The following BRF1 variants were observed in gnomAD, a reference collection of about 807,000 sequenced individuals.
The protein encoded by BRF1 is transcription factor IIIB 90 kDa subunit.
BRF1 carries 59 observed loss-of-function variants against 81.7 expected under a neutral mutation model. The ratio of observed to expected loss-of-function variants is 0.72; its 90% CI spans 0.59 to 0.90. BRF1 has a LOEUF of 0.90. BRF1 is among the 40% of genes least tolerant of loss of function. The pLI is 0.00. For missense variants in BRF1, 1,050 were observed against 936.3 expected (o/e 1.12, Z -1.58); for synonymous variants, 491 against 395.6 (o/e 1.24, Z -2.86).
intron 15 of BRF1, among the ~76,000 whole-genome samples, chr14:105,213,847 G>A (rs146947266): frequency 1.2e-3 from 177 of 152,334 alleles, no homozygotes; most frequent in Non-Finnish European, 2.1e-3. Flanking sequence ...AGGGCTCCTG[G>A]GGTCTGCGGG....
intron 1 of BRF1, among the ~76,000 whole-genome samples, chr14:105,293,701 A>G (rs1052310439): frequency 3.9e-5 from 6 of 152,034 alleles, no homozygotes; most frequent in Admixed American, 1.3e-4. Flanking sequence ...CTCAGTCCTC[A>G]CCCACCCTTC....
intron 1 of BRF1, among the ~76,000 whole-genome samples, chr14:105,287,350 T>G (rs1263748523): frequency 1.3e-5 from 2 of 152,190 alleles, no homozygotes; most frequent in African/African-American, 4.8e-5. Flanking sequence ...CGGCCTGATC[T>G]TCCAACGAGA....
chr14:105,225,690 C>G (rs1892976151), intron 10 of BRF1, among the ~76,000 whole-genome samples: 1 of 152,130 alleles, frequency 6.6e-6, no homozygotes, highest in African/African-American at 2.4e-5. Context: ...CTCTGTCACC[C>G]AGGCTGGAGT....
intron 5 of BRF1, among the ~76,000 whole-genome samples, chr14:105,246,292 G>C (rs867829933): frequency 6.6e-6 from 1 of 152,030 alleles, no homozygotes; most frequent in East Asian, 1.9e-4. Flanking sequence ...AAGCACATGA[G>C]TAGATGGTCA....
chr14:105,244,739 T>C (rs1002662517), intron 5 of BRF1, among the ~76,000 whole-genome samples: 4 of 151,594 alleles, frequency 2.6e-5, no homozygotes, highest in Admixed American at 2.6e-4. Context: ...ACAGACTGAT[T>C]AGGAAAAAAA....
At chr14:105,226,806 C>G in intron 7 of BRF1, 46 bp from the exon 8 acceptor site, 3 of 1,611,818 alleles carry the variant, frequency 1.9e-6, no homozygotes, top group Non-Finnish European at 2.5e-6. Flanking sequence ...GGCTCTGAAA[C>G]CAGCTGTTTA....
chr14:105,271,512 G>A lies in BRF1; in HGVS notation c.439+1209C>T, dbSNP rs1470206611. The stretch of plus-strand genomic sequence containing the variant: ...GGAGGGGGACCACCTTCAGAGGGGC[G>A]CAGCTCGGAAAAGGTCCCTCTCCCA... On this transcript the variant is annotated intron_variant, in intron 3 of 17. Coordinates refer to ENST00000547530, the MANE Select transcript of BRF1 (RefSeq NM_001519.4). This position sits in a 1 kb window ranked among gnomAD's most constrained non-coding sequence, Gnocchi z 5.5. Among the ~76,000 whole-genome samples, 1 of 152,186 alleles carries A rather than the reference G, an allele frequency of 6.6e-6. No individual in the cohort carries two copies. The highest frequency in any genetic ancestry group is 1.9e-4 in the East Asian group (1 of 5,196).
intron 16 of BRF1, chr14:105,211,859 T>C: frequency 1.8e-6 from 1 of 559,112 alleles, no homozygotes; most frequent in Non-Finnish European, 3.2e-6. Flanking sequence ...ACAGCAAGGC[T>C]GCTCAGCCTT....
chr14:105,226,432 T>G, intron 8 of BRF1, 142 bp from the exon 9 acceptor site: 1 of 1,440,760 alleles, frequency 6.9e-7, no homozygotes, highest in Non-Finnish European at 9.6e-7. Flanking sequence ...TATGGGCCTG[T>G]GTCCCCCATG....
At chr14:105,212,079 G>T in intron 16 of BRF1, 34 bp downstream of exon 16, 1 of 1,609,034 alleles carries the variant, frequency 6.2e-7, no homozygotes, top group East Asian at 2.2e-5. Context: ...TGCCTCCCAA[G>T]GTCTCCCTGC....
At chr14:105,268,419 C>T (rs762887282) in intron 3 of BRF1, among the ~76,000 whole-genome samples, 4 of 152,258 alleles carry the variant, frequency 2.6e-5, no homozygotes, top group Admixed American at 6.5e-5. Context: ...GACTCAGCAG[C>T]ACCCCGTTCC....
chr14:105,241,380 C>G lies in BRF1; in HGVS notation c.579G>C (p.Leu193=), dbSNP rs200243127. ...CGTGGTTCTTCTCCCCGAATTCCAGCAGGTGCGCAAAGCGTGGAATATACA... is the reference window on the plus strand; with the variant it reads ...CGTGGTTCTTCTCCCCGAATTCCAGGAGGTGCGCAAAGCGTGGAATATACA... ...PCLYIPRFAH[L]LEFGEKNHEV... is the part of the protein sequence containing the mutation. Residue 193 remains leucine, a synonymous_variant, in exon 6 of 18, where the codon CTG becomes CTC. Coordinates refer to ENST00000547530, the MANE Select transcript of BRF1 (RefSeq NM_001519.4). The G allele has an allele frequency of 6.2e-7, 1 of 1,612,742 alleles. No homozygotes were observed. Among genetic ancestry groups the G allele is most frequent in the Non-Finnish European group, 8.5e-7 (1 of 1,179,926 alleles).
At chr14:105,302,176 G>A (rs1036187523), upstream of BRF1, among the ~76,000 whole-genome samples, 2 of 150,886 alleles carry the variant, frequency 1.3e-5, no homozygotes, top group African/African-American at 4.8e-5. Flanking sequence ...AAGGAAATGC[G>A]GAAGACCCCA....
At chr14:105,311,111 C>G (rs2058340690) in intron 1 of BRF1, among the ~76,000 whole-genome samples, 1 of 152,078 alleles carries the variant, frequency 6.6e-6, no homozygotes, top group Non-Finnish European at 1.5e-5. Context: ...CACCATCATG[C>G]CCCACTAATT....
upstream of BRF1, among the ~76,000 whole-genome samples, chr14:105,305,478 C>T (rs1306683649): frequency 6.6e-6 from 1 of 152,126 alleles, no homozygotes. Context: ...TGTGAGGATG[C>T]AGGAAGAGGG....
intron 10 of BRF1, chr14:105,222,579 C>G (rs1180587825): frequency 6.6e-6 from 1 of 152,358 alleles, no homozygotes; most frequent in Non-Finnish European, 1.5e-5. Context: ...GGGGAACACG[C>G]TCCCTTGCAC....
At position 105,241,537 on chromosome 14, in the gene BRF1, A is replaced by G. The variant is rs938744045; in HGVS notation, c.545-123T>C. ...TTTCCAGGCCCCCAGGCCCCCCACC[A>G]GTTCCCCTCCCCTGGACAAAGCCTC... On this transcript the variant is annotated intron_variant, in intron 5 of 17. Transcript: ENST00000547530. 1.0e-4 allele frequency: 132 copies of G among 1,280,868 alleles called. No individual in the cohort carries two copies. In the East Asian group the frequency reaches 3.2e-3, roughly 31 times the overall value. The allele number at this position is 1,280,868 out of a possible 1,614,324, so 79.3% of individuals were successfully genotyped here. A position where few individuals can be genotyped will look rare whatever the true frequency, so the allele number is the denominator to read the frequency against.
chr14:105,217,349 G>GCCA, intron 15 of BRF1, 195 bp downstream of exon 15: 1 of 852,550 alleles, frequency 1.2e-6, no homozygotes. Flanking sequence ...CTCACAGCCT[G>GCCA]CCAGGCCAAG....
intron 1 of BRF1, chr14:105,314,459 G>GGGGCGGGGCGGGGCGCCCC (rs2058461158): frequency 1.4e-5 from 2 of 145,430 alleles, no homozygotes; most frequent in Non-Finnish European, 1.5e-5. Context: ...CGGCTCCCGG[G>GGGGCGGGGCGGGGCGCCCC]GGGCGGGGCG....
Sources: allele counts gnomAD v4.1 joint callset (sites outside exome capture counted in the v4.1 genomes callset), GRCh38; gene constraint gnomAD v4.1.1; non-coding constraint Gnocchi (gnomAD v3.1); transcripts MANE v1.5; gene names NCBI Gene and HGNC (gene_info 2026-07-23, HGNC 2026-07-21).